The following AGAP3 variants were observed in gnomAD, a reference collection of about 807,000 sequenced individuals.
AGAP3 encodes arf-GAP with GTPase, ANK repeat and PH domain-containing protein 3.
In AGAP3, 24 loss-of-function variants were observed where a neutral mutation model predicts 96.9. The observed-to-expected ratio is 0.25, with a 90% CI of 0.18 to 0.35. The LOEUF is 0.35. Ranked by LOEUF, AGAP3 falls within the 10% of genes least tolerant of loss-of-function variation. AGAP3 has a pLI of 1.00. For missense variants in AGAP3, 876 were observed against 1,254.2 expected (o/e 0.70, Z 4.55); for synonymous variants, 563 against 536.1 (o/e 1.05, Z -0.69).
chr7:151,089,164 GA>G (rs146362195), intron 1 of AGAP3, among the ~76,000 whole-genome samples: 22 of 145,028 alleles, frequency 1.5e-4, no homozygotes, highest in African/African-American at 4.5e-4. Context: ...GTCTTCAAAA[GA>G]AAAAAAAAAC....
chr7:151,116,696 G>C, intron 1 of AGAP3, 97 bp from the exon 2 acceptor site: 1 of 1,407,104 alleles, frequency 7.1e-7, no homozygotes, highest in Non-Finnish European at 1.0e-6. Context: ...CCTCTGGCCT[G>C]GGCTTGGGGA....
At chr7:151,095,022 T>C (rs1798543895) in intron 1 of AGAP3, among the ~76,000 whole-genome samples, 1 of 152,052 alleles carries the variant, frequency 6.6e-6, no homozygotes, top group Admixed American at 6.6e-5. Flanking sequence ...CTCAGGCATG[T>C]GTCACCACAT....
Position 151,102,440 on chromosome 7 carries a change from C to G in AGAP3, c.332-14353C>G, listed in dbSNP as rs561586602. On this transcript the variant is annotated intron_variant, in intron 1 of 17. Coordinates refer to ENST00000397238, the MANE Select transcript of AGAP3 (RefSeq NM_031946.7). ...GGTGACAGGAGTTACAGGTTCTAAG[C>G]CAGGGACAGCAGGACCAGATCTGCT... Among the ~76,000 whole-genome samples the G allele has an allele frequency of 9.2e-5, 14 of 152,114 alleles. 1 individual carries two copies. Among genetic ancestry groups the G allele is most frequent in the Admixed American group, 2.0e-4 (3 of 15,276 alleles).
chr7:151,098,665 A>G (rs1798707702), intron 1 of AGAP3, among the ~76,000 whole-genome samples: 2 of 151,922 alleles, frequency 1.3e-5, no homozygotes, highest in Non-Finnish European at 2.9e-5. Flanking sequence ...AAATAAATAA[A>G]TAACAAATGC....
intron 1 of AGAP3, among the ~76,000 whole-genome samples, chr7:151,099,730 G>A (rs558299049): frequency 1.3e-5 from 2 of 152,254 alleles, no homozygotes; most frequent in African/African-American, 2.4e-5. Flanking sequence ...CCTCGGGACC[G>A]TGGGTCAGAG....
In AGAP3 at chr7:151,108,266, C is replaced by G. The variant is rs1323815906; in HGVS notation, c.332-8527C>G. ...CAGAGCTCATGGATAGACAGGAAAA[C>G]AAACTGCTCTCAAGTACCATCTGTA... On this transcript the variant is annotated intron_variant, in intron 1 of 17. Transcript: ENST00000397238. The surrounding 1 kb of genome is among the most constrained non-coding windows in gnomAD (Gnocchi z 4.2). Among the ~76,000 whole-genome samples the G allele has an allele frequency of 6.6e-6, 1 of 152,188 alleles. No individual in the cohort carries two copies. The highest frequency in any genetic ancestry group is 2.4e-5 in the African/African-American group (1 of 41,438).
chr7:151,122,068 G>C (rs748939638), intron 8 of AGAP3, among the ~76,000 whole-genome samples: 1 of 152,218 alleles, frequency 6.6e-6, no homozygotes, highest in Admixed American at 6.5e-5. Flanking sequence ...GGCTCCCAGG[G>C]GTCCTCTGGT....
intron 10 of AGAP3, among the ~76,000 whole-genome samples, chr7:151,129,580 G>C (rs1227268450): frequency 6.6e-6 from 1 of 152,188 alleles, no homozygotes; most frequent in Non-Finnish European, 1.5e-5. Context: ...ATGCCAGTCA[G>C]CCGCTCGCCC....
At chr7:151,109,914 T>C (rs1413465496) in intron 1 of AGAP3, among the ~76,000 whole-genome samples, 2 of 152,236 alleles carry the variant, frequency 1.3e-5, no homozygotes, top group South Asian at 2.1e-4. Flanking sequence ...CCAGGCACCA[T>C]GCGGCCCTCC....
upstream of AGAP3, among the ~76,000 whole-genome samples, chr7:151,086,333 C>A (rs1284459892): frequency 1.0e-5 from 1 of 99,720 alleles, no homozygotes; most frequent in Non-Finnish European, 1.9e-5. Context: ...GAGCGAGGGG[C>A]GGGGGCGCCC....
rs1799799497 is a variant in AGAP3 at position 151,120,044 on chromosome 7, C to G, written c.1027C>G (p.Pro343Ala). Reference sequence around the variant, plus strand: ...CTACTCGTCCTCAGTCCCCTCCACCCCCAGCATCAGCCAGCGGGAGCTGCG... The same window carrying G: ...CTACTCGTCCTCAGTCCCCTCCACCGCCAGCATCAGCCAGCGGGAGCTGCG... ...SDYSSSVPST[P>A]SISQRELRIE... Residue 343 changes from proline (P) to alanine (A), a missense_variant, in exon 8 of 18, where the codon CCC becomes GCC. By Grantham distance (27) the Pro-to-Ala change is conservative. This residue lies in a region of AGAP3 where 100 missense variants were observed against 129.4 expected (regional missense o/e 0.77). Coordinates refer to ENST00000397238, the MANE Select transcript of AGAP3 (RefSeq NM_031946.7). 6.2e-7 allele frequency: 1 copy of G among 1,613,916 alleles called. No homozygotes were observed. Among genetic ancestry groups the G allele is most frequent in the East Asian group, 2.2e-5 (1 of 44,882 alleles).
At chr7:151,093,961 G>C (rs990841076) in intron 1 of AGAP3, among the ~76,000 whole-genome samples, 2 of 152,208 alleles carry the variant, frequency 1.3e-5, no homozygotes, top group African/African-American at 4.8e-5. Context: ...GTGAGCACCT[G>C]AGCTGGGGTC....
At chr7:151,129,722 C>T (rs1800329074) in intron 10 of AGAP3, among the ~76,000 whole-genome samples, 1 of 151,646 alleles carries the variant, frequency 6.6e-6, no homozygotes, top group South Asian at 2.1e-4. Flanking sequence ...GGGCACAGAC[C>T]TTGTCCCACT....
intron 1 of AGAP3, among the ~76,000 whole-genome samples, chr7:151,100,209 C>T (rs116731684): frequency 6.6e-6 from 1 of 152,200 alleles, no homozygotes; most frequent in Non-Finnish European, 1.5e-5. Flanking sequence ...CGTGCTCCCC[C>T]AGCTGCGGTG....
At position 151,142,565 on chromosome 7, in the gene AGAP3, A is replaced by G. The variant is rs1458293020; in HGVS notation, c.2204A>G (p.Asn735Ser). The G allele has an allele frequency of 1.9e-6, 3 of 1,613,586 alleles. No individual in the cohort carries two copies. The highest frequency in any genetic ancestry group is 2.5e-6 in the Non-Finnish European group (3 of 1,180,050). Residue 735 changes from asparagine to serine, a missense_variant, in exon 16 of 18, where the codon AAT becomes AGT. Physicochemically the swap from Asn to Ser is conservative, Grantham distance 46. This residue lies in a region of AGAP3 where 213 missense variants were observed against 253.8 expected (regional missense o/e 0.84). Coordinates refer to ENST00000397238, the MANE Select transcript of AGAP3 (RefSeq NM_031946.7). The surrounding 1 kb of genome is among the most constrained non-coding windows in gnomAD (Gnocchi z 7.5). ...CTGGCTGTCATGACTGCCATGGGCA[A>G]TGCCCTCGCCAACAGCGTCTGGGAG... ...ELLAVMTAMG[N>S]ALANSVWEGA... is the part of the protein sequence containing the mutation.
At chr7:151,115,159 T>C in intron 1 of AGAP3, 1 of 1,040,738 alleles carries the variant, frequency 9.6e-7, no homozygotes, top group Non-Finnish European at 1.2e-6. Context: ...ATGACTTTCC[T>C]GGAGGTGAAC....
chr7:151,141,604 T>C lies in AGAP3; in HGVS notation c.1805-294T>C. On this transcript the variant is annotated intron_variant, in intron 13 of 17. Transcript: ENST00000397238. This position sits in a 1 kb window ranked among gnomAD's most constrained non-coding sequence, Gnocchi z 4.2. ...TCTGTGGGATGCACCCCTCTCTGGT[T>C]TCACACCCATTCCCGGCAGTGCCAG... 1 of 430,110 alleles carries C rather than the reference T, an allele frequency of 2.3e-6. No individual in the cohort carries two copies. The highest frequency in any genetic ancestry group is 4.3e-6 in the Non-Finnish European group (1 of 232,072). 26.6% of individuals were successfully genotyped at this position (430,110 alleles called of 1,614,324 possible).
rs1408404942 is a variant in AGAP3 at position 151,118,988 on chromosome 7, G to A, written c.969+356G>A. 6.6e-6 allele frequency among the ~76,000 whole-genome samples: 1 copy of A among 152,214 alleles called. No homozygotes were observed. The highest frequency in any genetic ancestry group is 2.4e-5 in the African/African-American group (1 of 41,440). On this transcript the variant is annotated intron_variant, in intron 7 of 17. Coordinates refer to ENST00000397238, the MANE Select transcript of AGAP3 (RefSeq NM_031946.7). This position sits in a 1 kb window ranked among gnomAD's most constrained non-coding sequence, Gnocchi z 6.1. ...CTGCACTTTACCTCTGCCAATGACC[G>A]TCATCTCTCCAAGGCCTGCCCTGGC... is the stretch of plus-strand genomic sequence containing the variant.
In AGAP3 at chr7:151,100,364, C is replaced by T. The variant is rs1798788721; in HGVS notation, c.331+13292C>T. Among the ~76,000 whole-genome samples the T allele has an allele frequency of 3.9e-5, 6 of 152,164 alleles. No homozygotes were observed. The South Asian group carries it at 1.2e-3, about 32-fold the overall frequency. ...GGTGCCACCTGAGCCTGCTCTGTGCCCTGCACTTCTCTGTGTGGGTCCTGA... is the reference window on the plus strand; with the variant it reads ...GGTGCCACCTGAGCCTGCTCTGTGCTCTGCACTTCTCTGTGTGGGTCCTGA... On this transcript the variant is annotated intron_variant, in intron 1 of 17. Transcript: ENST00000397238.
Sources: gnomAD v4.1 joint callset for allele counts (sites outside exome capture counted in the v4.1 genomes callset) on GRCh38, gnomAD v4.1.1 for gene constraint, gnomAD v4.1.1 regional missense constraint, Gnocchi (gnomAD v3.1) non-coding constraint, MANE v1.5 for transcripts, NCBI Gene and HGNC (gene_info 2026-07-23, HGNC 2026-07-21) for gene names.